Variants in PTCHD4 observed in about 807,000 individuals in gnomAD.
PTCHD4 encodes the protein patched domain-containing protein 4.
Under a neutral mutation model 58.1 loss-of-function variants are expected in PTCHD4, and 33 were observed. The observed-to-expected ratio is 0.57, with a 90% confidence interval of 0.43 to 0.76. The LOEUF is 0.76. PTCHD4 is among the 30% of genes least tolerant of loss of function. PTCHD4 has a pLI of 0.00. For missense variants in PTCHD4, 1,058 were observed against 1,027.1 expected, an observed-to-expected ratio of 1.03 and a Z score of -0.41; for synonymous variants, 478 against 409.6, an observed-to-expected ratio of 1.17 and a Z score of -2.02.
Position 47,861,866 on chromosome 6 carries a change from T to A in PTCHD4, c.*16437A>T, listed in dbSNP as rs183344281. 7.8e-4 allele frequency among the ~76,000 whole-genome samples: 118 copies of A among 152,010 alleles called. No individual in the cohort carries two copies. Among genetic ancestry groups the A allele is most frequent in the African/African-American group, 2.7e-3 (111 of 41,524 alleles). Reference sequence around the variant, plus strand: ...GCACATTATAGGTTCTTAATCCATGTTTGTTGGATGGATTAATGAATGAAT... The same window carrying A: ...GCACATTATAGGTTCTTAATCCATGATTGTTGGATGGATTAATGAATGAAT... On this transcript the variant is annotated 3_prime_UTR_variant, in exon 5 of 5. Coordinates refer to ENST00000339488, the MANE Select transcript of PTCHD4 (RefSeq NM_001384253.1).
chr6:47,921,367 C>G (rs1475876263), intron 4 of PTCHD4, among the ~76,000 whole-genome samples: 5 of 152,078 alleles, frequency 3.3e-5, no homozygotes, highest in African/African-American at 4.8e-5. Flanking sequence ...TATCTTTTGG[C>G]TTTGTTTTTA....
At chr6:48,011,018 G>A (rs1272317513) in intron 3 of PTCHD4, among the ~76,000 whole-genome samples, 2 of 152,102 alleles carry the variant, frequency 1.3e-5, no homozygotes, top group African/African-American at 4.8e-5. Flanking sequence ...TTGCTACTGT[G>A]AACAGTCCTG....
intron 4 of PTCHD4, among the ~76,000 whole-genome samples, chr6:47,936,447 AT>A (rs1766002303): frequency 6.6e-6 from 1 of 152,176 alleles, no homozygotes; most frequent in Non-Finnish European, 1.5e-5. Context: ...CTCAAACATA[AT>A]TTCGAAAAGC....
intron 4 of PTCHD4, among the ~76,000 whole-genome samples, chr6:47,888,473 G>A (rs1764265781): frequency 6.6e-6 from 1 of 152,066 alleles, no homozygotes; most frequent in African/African-American, 2.4e-5. Flanking sequence ...ATTTTATTAG[G>A]TCTCTAATAA....
intron 3 of PTCHD4, among the ~76,000 whole-genome samples, chr6:48,019,640 G>A (rs986240733): frequency 5.3e-5 from 8 of 151,944 alleles, no homozygotes; most frequent in African/African-American, 1.9e-4. Context: ...GGAGGCTGAG[G>A]CAGGAGAATG....
rs777030871 is a variant in PTCHD4 at position 47,874,806 on chromosome 6, T to C, written c.*3497A>G. ...CATGCACAGCCTTCAAAGAGGTTCA[T>C]AGTAACTGCAAGAATTCCTGGGAAG... On this transcript the variant is annotated 3_prime_UTR_variant, in exon 5 of 5. Transcript: ENST00000339488. Among the ~76,000 whole-genome samples the C allele has an allele frequency of 6.6e-6, 1 of 151,852 alleles. No homozygotes were observed. The highest frequency in any genetic ancestry group is 1.5e-5 in the Non-Finnish European group (1 of 67,842).
Position 47,879,769 on chromosome 6 carries a change from T to C in PTCHD4, c.1066A>G (p.Thr356Ala), listed in dbSNP as rs1482632849. Reference sequence around the variant, plus strand: ...AAGACCTTCACAGCCTCTATGTTTGTGAATGGGCTGGCACCCATGCCAAAA... The same window carrying C: ...AAGACCTTCACAGCCTCTATGTTTGCGAATGGGCTGGCACCCATGCCAAAA... Reference protein sequence around the residue: ...ITFGMGASPFTNIEAVKVFCQ... With the variant: ...ITFGMGASPFANIEAVKVFCQ... Residue 356 changes from threonine (T) to alanine (A), a missense_variant, in exon 5 of 5, where the codon ACA (threonine) becomes GCA (alanine). Transcript: ENST00000339488. 1 of 1,613,664 alleles carries C rather than the reference T, an allele frequency of 6.2e-7. No individual in the cohort carries two copies. The highest frequency in any genetic ancestry group is 8.5e-7 in the Non-Finnish European group (1 of 1,179,754).
chr6:48,084,050 C>A (rs1765215749), intron 1 of PTCHD4, among the ~76,000 whole-genome samples: 4 of 150,794 alleles, frequency 2.7e-5, no homozygotes, highest in Non-Finnish European at 4.4e-5. Flanking sequence ...AAAAAAAAAA[C>A]CTCCTATATG....
chr6:47,989,838 C>T (rs1768215167), intron 4 of PTCHD4, among the ~76,000 whole-genome samples: 1 of 152,156 alleles, frequency 6.6e-6, no homozygotes, highest in African/African-American at 2.4e-5. Flanking sequence ...CACCGGGGCA[C>T]CACCTAGTGG....
intron 4 of PTCHD4, among the ~76,000 whole-genome samples, chr6:47,881,031 A>G (rs1451871545): frequency 6.6e-6 from 1 of 152,154 alleles, no homozygotes; most frequent in Admixed American, 6.6e-5. Flanking sequence ...GCATAGCAAT[A>G]CTACATAGGA....
chr6:48,002,079 T>C (rs1768745536), intron 4 of PTCHD4, among the ~76,000 whole-genome samples: 1 of 152,150 alleles, frequency 6.6e-6, no homozygotes. Flanking sequence ...ACACACCAGT[T>C]AGAATGGCGA....
At chr6:47,882,716 T>A (rs1764054688) in intron 4 of PTCHD4, among the ~76,000 whole-genome samples, 1 of 70,046 alleles carries the variant, frequency 1.4e-5, no homozygotes, top group Non-Finnish European at 3.3e-5. Context: ...CTATTTGCTA[T>A]GAATCCATTT....
At chr6:47,998,960 A>G (rs1019728350) in intron 4 of PTCHD4, among the ~76,000 whole-genome samples, 15 of 152,208 alleles carry the variant, frequency 9.9e-5, no homozygotes, top group African/African-American at 3.1e-4. Flanking sequence ...TTCTTGCTCA[A>G]AGAACTCTAG....
chr6:47,996,841 A>G (rs1181061570), intron 4 of PTCHD4, among the ~76,000 whole-genome samples: 3 of 152,202 alleles, frequency 2.0e-5, no homozygotes, highest in Non-Finnish European at 4.4e-5. Context: ...TTTAAAAGCC[A>G]TTGATTTAAA....
At chr6:48,107,457 T>G (rs968059346) in intron 1 of PTCHD4, among the ~76,000 whole-genome samples, 38 of 151,994 alleles carry the variant, frequency 2.5e-4, no homozygotes, top group Admixed American at 9.9e-4. Context: ...ATTCAAGATG[T>G]ATTAAAGACT....
intron 1 of PTCHD4, among the ~76,000 whole-genome samples, chr6:48,081,590 A>G (rs902326974): frequency 6.6e-6 from 1 of 152,180 alleles, no homozygotes; most frequent in Non-Finnish European, 1.5e-5. Context: ...TGCATATTAT[A>G]TAAAGTTATA....
chr6:47,938,472 G>C (rs1250492298), intron 4 of PTCHD4, among the ~76,000 whole-genome samples: 1 of 152,196 alleles, frequency 6.6e-6, no homozygotes, highest in Non-Finnish European at 1.5e-5. Context: ...CTAAAAGGTA[G>C]ATTGTGATCC....
At chr6:47,898,243 C>T (rs1752853199) in intron 4 of PTCHD4, among the ~76,000 whole-genome samples, 1 of 152,122 alleles carries the variant, frequency 6.6e-6, no homozygotes, top group Non-Finnish European at 1.5e-5. Flanking sequence ...TGCACCCAGC[C>T]ATCATTTCAT....
At chr6:48,042,947 G>T (rs1763896046) in intron 3 of PTCHD4, among the ~76,000 whole-genome samples, 1 of 151,908 alleles carries the variant, frequency 6.6e-6, no homozygotes, top group African/African-American at 2.4e-5. Flanking sequence ...AGCAAGGTCT[G>T]CTCAGATTTC....
Sources: allele counts gnomAD v4.1 joint callset (sites outside exome capture counted in the v4.1 genomes callset), GRCh38; gene constraint gnomAD v4.1.1; transcripts MANE v1.5; gene names NCBI Gene and HGNC (gene_info 2026-07-23, HGNC 2026-07-21).